NCKAP1L: variants seen among roughly 807,000 people sequenced by gnomAD.
NCKAP1L encodes the protein NCK associated protein 1 like.
Under a neutral mutation model 139.2 loss-of-function variants are expected in NCKAP1L, and 53 were observed. That is an observed-to-expected ratio of 0.38 (90% CI 0.31 to 0.48). NCKAP1L has a LOEUF of 0.48. NCKAP1L is among the 20% of genes least tolerant of loss of function. NCKAP1L has a pLI of 0.98. For synonymous variants in NCKAP1L, 468 were observed against 499.7 expected, an observed-to-expected ratio of 0.94 and a Z score of 0.85; for missense variants, 1,151 against 1,381.9, an observed-to-expected ratio of 0.83 and a Z score of 2.65.
At chr12:54,511,578 T>A (rs1184504051) in intron 7 of NCKAP1L, among the ~76,000 whole-genome samples, 1 of 152,196 alleles carries the variant, frequency 6.6e-6, no homozygotes, top group Non-Finnish European at 1.5e-5. Context: ...GGCTAATTTT[T>A]AAATTTTTTG....
rs765366319 is a variant in NCKAP1L, at chr12:54,532,248, A to G, written c.2860A>G (p.Lys954Glu). 6.2e-7 allele frequency: 1 copy of G among 1,612,038 alleles called. No individual in the cohort carries two copies. Among genetic ancestry groups the G allele is most frequent in the South Asian group, 1.1e-5 (1 of 90,872 alleles). Residue 954 changes from lysine to glutamate, a missense_variant and splice_region_variant, in exon 26 of 31, where the codon AAG becomes GAG. By Grantham distance (56) the Lys-to-Glu change is moderately conservative. Coordinates refer to ENST00000293373, the MANE Select transcript of NCKAP1L (RefSeq NM_005337.5). ...KEFVTPDTDI[K>E]VTLSIFELAS... ...GTTTGTCACTCCAGACACAGACATC[A>G]AGGTATGGAGGAGTGCAAAGTAGAA...
At chr12:54,535,989 A>G (rs1957110366) in intron 27 of NCKAP1L, 140 bp from the exon 28 acceptor site, 1 of 633,184 alleles carries the variant, frequency 1.6e-6, no homozygotes, top group Non-Finnish European at 2.8e-6. Context: ...TAACTTGCCC[A>G]TAGGCTTTAT....
At chr12:54,514,746 G>A (rs577075206) in intron 9 of NCKAP1L, among the ~76,000 whole-genome samples, 2 of 152,292 alleles carry the variant, frequency 1.3e-5, no homozygotes, top group East Asian at 3.9e-4. Context: ...ATTATCAAGA[G>A]CCTATAAGAA....
chr12:54,538,222 C>G (rs1161422001), intron 29 of NCKAP1L, among the ~76,000 whole-genome samples: 1 of 152,196 alleles, frequency 6.6e-6, no homozygotes, highest in South Asian at 2.1e-4. Flanking sequence ...TGGTGTGTCT[C>G]TATTTAAGCT....
At chr12:54,506,600 T>C (rs969370620) in intron 3 of NCKAP1L, among the ~76,000 whole-genome samples, 11 of 147,750 alleles carry the variant, frequency 7.4e-5, no homozygotes, top group African/African-American at 2.3e-4. Flanking sequence ...CTAATTTTTT[T>C]TATTTTTATT....
At chr12:54,506,258 T>C (rs1292965228) in intron 3 of NCKAP1L, among the ~76,000 whole-genome samples, 1 of 152,196 alleles carries the variant, frequency 6.6e-6, no homozygotes, top group Non-Finnish European at 1.5e-5. Flanking sequence ...GAGCTTCAGT[T>C]TCTCTATATT....
Position 54,516,890 on chromosome 12 carries a change from C to T in NCKAP1L, c.999-6C>T, listed in dbSNP as rs767062253. On this transcript the variant is annotated splice_polypyrimidine_tract_variant and splice_region_variant and intron_variant, in intron 10 of 30. Coordinates refer to ENST00000293373, the MANE Select transcript of NCKAP1L (RefSeq NM_005337.5). ...GTGATAGTCATGTTCCCCTTTTCTT[C>T]CTTAGTGGCCAGTTTCATTGTCAAC... The T allele has an allele frequency of 1.2e-6, 2 of 1,611,100 alleles. No individual in the cohort carries two copies. Among genetic ancestry groups the T allele is most frequent in the African/African-American group, 2.7e-5 (2 of 74,810 alleles).
rs1189955001 is a variant in NCKAP1L at position 54,509,961 on chromosome 12, G to A, written c.711G>A (p.Met237Ile). The A allele has an allele frequency of 6.2e-7, 1 of 1,614,218 alleles. No homozygotes were observed. The highest frequency in any genetic ancestry group is 1.7e-5 in the Admixed American group (1 of 60,022). Residue 237 changes from methionine (M) to isoleucine (I), a missense_variant, in exon 7 of 31, where the codon ATG becomes ATA. Transcript: ENST00000293373. ...LLSLISNPPA[M>I]INPANSDTMA... ...GCCTCATCAGCAACCCCCCAGCCAT[G>A]ATTAACCCTGCTAATTCAGATACAG...
Position 54,497,769 on chromosome 12 carries a change from GCTCC to G in NCKAP1L, c.-20_-17del. On this transcript the variant is annotated 5_prime_UTR_variant, in exon 1 of 31. Transcript: ENST00000293373. ...GGGAGATCAGACATTGCTGTCTGGT[GCTCC>G]TCTCTCAGTGGCCATCATGTCTTTG... The G allele has an allele frequency of 2.7e-6, 4 of 1,503,432 alleles. No individual in the cohort carries two copies. The highest frequency in any genetic ancestry group is 3.7e-6 in the Non-Finnish European group (4 of 1,079,630). The allele number at this position is 1,503,432 out of a possible 1,614,324, so 93.1% of individuals were successfully genotyped here. A position where few individuals can be genotyped will look rare whatever the true frequency, so the allele number is the denominator to read the frequency against.
At chr12:54,536,652 G>A (rs1319726684) in intron 28 of NCKAP1L, 2 of 319,662 alleles carry the variant, frequency 6.3e-6, no homozygotes, top group East Asian at 7.4e-5. Flanking sequence ...GCAAGACCCT[G>A]TCTTTAAAAA....
chr12:54,505,594 TCTCA>T (rs1277985266), intron 3 of NCKAP1L, among the ~76,000 whole-genome samples: 3 of 152,132 alleles, frequency 2.0e-5, no homozygotes, highest in African/African-American at 4.8e-5. Context: ...GTCTGGCTCC[TCTCA>T]CTCAGCATCA....
chr12:54,514,612 C>T (rs577789932), intron 9 of NCKAP1L, among the ~76,000 whole-genome samples: 10 of 152,118 alleles, frequency 6.6e-5, no homozygotes, highest in African/African-American at 1.2e-4. Flanking sequence ...CGTGAGCCAC[C>T]GCGCCTGGCC....
chr12:54,542,857 A>G lies in NCKAP1L; in HGVS notation c.*172A>G. ...TGGAAGAACAATCCAGGGCTGAGAAATCGTAGAGCAGTGAGGCAGGCTGGG... is the reference window on the plus strand; with the variant it reads ...TGGAAGAACAATCCAGGGCTGAGAAGTCGTAGAGCAGTGAGGCAGGCTGGG... On this transcript the variant is annotated 3_prime_UTR_variant, in exon 31 of 31. Transcript: ENST00000293373. 1.8e-6 allele frequency: 1 copy of G among 543,682 alleles called. No individual in the cohort carries two copies. The allele number at this position is 543,682 out of a possible 1,614,324, so 33.7% of individuals were successfully genotyped here. A position where few individuals can be genotyped will look rare whatever the true frequency, so the allele number is the denominator to read the frequency against.
chr12:54,538,508 C>T (rs1957131056), intron 29 of NCKAP1L, among the ~76,000 whole-genome samples: 1 of 152,182 alleles, frequency 6.6e-6, no homozygotes, highest in South Asian at 2.1e-4. Flanking sequence ...GGCTCACTGC[C>T]TCTAGTCAGA....
chr12:54,520,674 G>A lies in NCKAP1L; in HGVS notation c.1626-20G>A, dbSNP rs1361235204. ...AATAAGGACTAAATCTTGATTTAAAGTCTTCCCGTTTCTCTGCAGCTTTCA... is the reference window on the plus strand; with the variant it reads ...AATAAGGACTAAATCTTGATTTAAAATCTTCCCGTTTCTCTGCAGCTTTCA... On this transcript the variant is annotated intron_variant, in intron 16 of 30. Transcript: ENST00000293373. 1 of 1,613,812 alleles carries A rather than the reference G, an allele frequency of 6.2e-7. No individual in the cohort carries two copies. Among genetic ancestry groups the A allele is most frequent in the Non-Finnish European group, 8.5e-7 (1 of 1,179,910 alleles).
intron 7 of NCKAP1L, among the ~76,000 whole-genome samples, chr12:54,510,828 T>G (rs749209663): frequency 3.3e-5 from 5 of 151,732 alleles, no homozygotes; most frequent in Non-Finnish European, 5.9e-5. Context: ...AGCCTGTTTA[T>G]TTTTTTGTAG....
Position 54,542,872 on chromosome 12 carries a change from G to A in NCKAP1L, c.*187G>A. On this transcript the variant is annotated 3_prime_UTR_variant, in exon 31 of 31. Transcript: ENST00000293373. Reference sequence around the variant, plus strand: ...GGGCTGAGAAATCGTAGAGCAGTGAGGCAGGCTGGGAGCATGGAGGACAGC... The same window carrying A: ...GGGCTGAGAAATCGTAGAGCAGTGAAGCAGGCTGGGAGCATGGAGGACAGC... 1 of 527,396 alleles carries A rather than the reference G, an allele frequency of 1.9e-6. No homozygotes were observed. Among genetic ancestry groups the A allele is most frequent in the South Asian group, 2.9e-5 (1 of 34,760 alleles). The allele number at this position is 527,396 out of a possible 1,614,324, so 32.7% of individuals were successfully genotyped here. A position where few individuals can be genotyped will look rare whatever the true frequency, so the allele number is the denominator to read the frequency against.
intron 25 of NCKAP1L, 39 bp downstream of exon 25, chr12:54,531,864 T>C: frequency 1.4e-6 from 2 of 1,452,794 alleles, no homozygotes; most frequent in Non-Finnish European, 1.9e-6. Context: ...GAGTCACAGA[T>C]ACCTCTGTGG....
At chr12:54,504,631 T>C (rs1456451014) in intron 3 of NCKAP1L, among the ~76,000 whole-genome samples, 1 of 152,204 alleles carries the variant, frequency 6.6e-6, no homozygotes, top group Non-Finnish European at 1.5e-5. Flanking sequence ...TGAAGTATGA[T>C]GCACTGTTAA....
Sources: allele counts gnomAD v4.1 joint callset (sites outside exome capture counted in the v4.1 genomes callset), GRCh38; gene constraint gnomAD v4.1.1; transcripts MANE v1.5; gene names NCBI Gene and HGNC (gene_info 2026-07-23, HGNC 2026-07-21).